Variants in NGLY1 observed in about 807,000 individuals in gnomAD.
NGLY1 encodes N-glycanase 1, also known as peptide-N(4)-(N-acetyl-beta-glucosaminyl)asparagine amidase.
A neutral mutation model predicts 84.6 loss-of-function variants in NGLY1; 68 were observed. The ratio of observed to expected loss-of-function variants is 0.80; its 90% CI spans 0.66 to 0.98. The LOEUF is 0.98. NGLY1 is among the 50% of genes least tolerant of loss of function. The pLI, the probability that NGLY1 is intolerant of heterozygous loss-of-function variation, is 0.00. For missense variants in NGLY1, 779 were observed against 770.2 expected, an observed-to-expected ratio of 1.01 and a Z score of -0.14; for synonymous variants, 280 against 275.2, an observed-to-expected ratio of 1.02 and a Z score of -0.17.
Position 25,751,364 on chromosome 3 carries a change from G to C in NGLY1, c.493-101C>G, listed in dbSNP as rs535635369. ...GTTTTATGATTTTACAGATAGAAGG[G>C]AATGTATGGATTCACTTAAATATAA... is the stretch of plus-strand genomic sequence containing the variant. On this transcript the variant is annotated intron_variant, in intron 3 of 11. Coordinates refer to ENST00000280700, the MANE Select transcript of NGLY1 (RefSeq NM_018297.4). 4.8e-5 allele frequency: 45 copies of C among 941,856 alleles called. No individual in the cohort carries two copies. In the South Asian group the frequency reaches 1.0e-3, roughly 21 times the overall value. The allele number at this position is 941,856 out of a possible 1,614,324, so 58.3% of individuals were successfully genotyped here. A position where few individuals can be genotyped will look rare whatever the true frequency, so the allele number is the denominator to read the frequency against.
At chr3:25,737,606 A>ATG in intron 5 of NGLY1, 151 bp from the exon 6 acceptor site, 6 of 679,718 alleles carry the variant, frequency 8.8e-6, no homozygotes, top group Non-Finnish European at 1.3e-5. Flanking sequence ...GCAGTGGCGC[A>ATG]ATCTCGGCTC....
chr3:25,739,071 GA>G, intron 5 of NGLY1, among the ~76,000 whole-genome samples: 1 of 152,206 alleles, frequency 6.6e-6, no homozygotes, highest in East Asian at 1.9e-4. Context: ...TTGTGAGAGT[GA>G]ATACAATTAT....
intron 3 of NGLY1, 60 bp downstream of exon 3, chr3:25,764,006 G>T: frequency 1.3e-6 from 2 of 1,585,462 alleles, no homozygotes; most frequent in Non-Finnish European, 1.7e-6. Context: ...ACATTCCAAA[G>T]CTTTTGCTGT....
intron 4 of NGLY1, chr3:25,749,852 G>A: frequency 1.0e-6 from 1 of 971,748 alleles, no homozygotes; most frequent in Non-Finnish European, 1.6e-6. Context: ...GGCCATCAGA[G>A]TCACCAACCC....
Position 25,720,068 on chromosome 3 carries a change from C to T in NGLY1, c.1735G>A (p.Gly579Arg). The T allele has an allele frequency of 6.2e-7, 1 of 1,613,806 alleles. No individual in the cohort carries two copies. The highest frequency in any genetic ancestry group is 8.5e-7 in the Non-Finnish European group (1 of 1,179,836). Reference sequence around the variant, plus strand: ...GATCGCAATTTCCATTCTACTGTTCCAGTCTGAAAAGTTTGACTACTTGTT... The same window carrying T: ...GATCGCAATTTCCATTCTACTGTTCTAGTCTGAAAAGTTTGACTACTTGTT... ...IRTSSQTFQT[G>R]TVEWKLRSDT... is the part of the protein sequence containing the mutation. The change falls in exon 11 of 12, where the codon GGA (glycine) becomes AGA (arginine). Residue 579 changes from glycine (G) to arginine (R), a missense_variant. Gly to Arg is a moderately radical substitution (Grantham distance 125). Transcript: ENST00000280700.
upstream of NGLY1, among the ~76,000 whole-genome samples, chr3:25,785,443 CATTT>C (rs370426797): frequency 3.8e-4 from 58 of 151,516 alleles, 2 homozygotes; most frequent in East Asian, 7.3e-3. Flanking sequence ...TCCATTGATA[CATTT>C]ATTTATCCTT....
chr3:25,736,020 G>T lies in NGLY1; in HGVS notation c.1133C>A (p.Ala378Glu), dbSNP rs1177368140. 1 of 1,612,058 alleles carries T rather than the reference G, an allele frequency of 6.2e-7. No homozygotes were observed. Among genetic ancestry groups the T allele is most frequent in the Non-Finnish European group, 8.5e-7 (1 of 1,179,210 alleles). Residue 378 changes from alanine (A) to glutamate (E), a missense_variant, in exon 7 of 12, where the codon GCA becomes GAA. Transcript: ENST00000280700. Reference protein sequence around the residue: ...GWGKKLSYVIAFSKDEVVDVT... With the variant: ...GWGKKLSYVIEFSKDEVVDVT... ...ATGCTCTACCTCATCTTTTGAAAAT[G>T]CTATGACATAGGAAAGCTTCTTGCC... is the stretch of plus-strand genomic sequence containing the variant.
At chr3:25,757,437 C>T (rs555068588) in intron 3 of NGLY1, among the ~76,000 whole-genome samples, 4 of 152,056 alleles carry the variant, frequency 2.6e-5, no homozygotes, top group South Asian at 2.1e-4. Context: ...TGTAAGGGTT[C>T]GACTGGTATA....
rs542203452 is a variant in NGLY1, at chr3:25,736,370, G to A, written c.1004-221C>T. On this transcript the variant is annotated intron_variant, in intron 6 of 11. Coordinates refer to ENST00000280700, the MANE Select transcript of NGLY1 (RefSeq NM_018297.4). Reference sequence around the variant, plus strand: ...TGTTTTTCCAATCTCCTTTAACGTGGTCAGTTTTAGGCTTAATGTGCGCTG... The same window carrying A: ...TGTTTTTCCAATCTCCTTTAACGTGATCAGTTTTAGGCTTAATGTGCGCTG... 1,109 of 1,551,280 alleles carry A rather than the reference G, an allele frequency of 7.1e-4. 1 individual carries two copies. The highest frequency in any genetic ancestry group is 1.4e-3 in the Admixed American group (71 of 50,988).
chr3:25,755,442 C>T (rs1368029883), intron 3 of NGLY1: 65 of 1,463,800 alleles, frequency 4.4e-5, no homozygotes, highest in Non-Finnish European at 6.1e-5. Context: ...AAAGTTTCAA[C>T]TCCAATGTCA....
At chr3:25,758,830 G>A (rs1179410659) in intron 3 of NGLY1, among the ~76,000 whole-genome samples, 2 of 152,152 alleles carry the variant, frequency 1.3e-5, no homozygotes, top group African/African-American at 2.4e-5. Flanking sequence ...GGAAGAAGAG[G>A]TGAGAAAGAC....
intron 3 of NGLY1, among the ~76,000 whole-genome samples, chr3:25,754,382 G>T (rs1337908333): frequency 6.6e-6 from 1 of 152,180 alleles, no homozygotes; most frequent in African/African-American, 2.4e-5. Flanking sequence ...GGTAGATGGG[G>T]ATTGCTTAGC....
chr3:25,722,376 A>T (rs1319442530), intron 10 of NGLY1, among the ~76,000 whole-genome samples: 2 of 152,006 alleles, frequency 1.3e-5, no homozygotes, highest in Non-Finnish European at 2.9e-5. Flanking sequence ...TATAAAACAC[A>T]TCTGCCATGG....
intron 6 of NGLY1, 27 bp from the exon 7 acceptor site, chr3:25,736,176 A>G: frequency 6.2e-7 from 1 of 1,605,034 alleles, no homozygotes; most frequent in Non-Finnish European, 8.5e-7. Context: ...AAAGAGAGCA[A>G]TGGAAAAAAG....
At chr3:25,754,990 C>A (rs1171547284) in intron 3 of NGLY1, 24 of 817,990 alleles carry the variant, frequency 2.9e-5, no homozygotes, top group Non-Finnish European at 5.0e-5. Context: ...TGGCACAGAT[C>A]TCGAAGGATA....
At chr3:25,783,447 C>T (rs909707646), upstream of NGLY1, 5 of 1,433,086 alleles carry the variant, frequency 3.5e-6, no homozygotes, top group African/African-American at 1.5e-5. This position sits in a 1 kb window ranked among gnomAD's most constrained non-coding sequence, Gnocchi z 4.5. Flanking sequence ...CCACACTGAG[C>T]AGGCGCCTCA....
At chr3:25,778,891 AT>A (rs747731988) in intron 1 of NGLY1, among the ~76,000 whole-genome samples, 3 of 36,446 alleles carry the variant, frequency 8.2e-5, no homozygotes, top group African/African-American at 1.2e-4. Flanking sequence ...TTTTTTTGAG[AT>A]GGGGGGGGTC....
chr3:25,721,130 A>G (rs2125444558), intron 10 of NGLY1, among the ~76,000 whole-genome samples: 1 of 152,280 alleles, frequency 6.6e-6, no homozygotes, highest in African/African-American at 2.4e-5. Context: ...TCACTCTGTC[A>G]CCCAGGCTGG....
intron 10 of NGLY1, among the ~76,000 whole-genome samples, chr3:25,727,306 T>C (rs974237588): frequency 6.6e-6 from 1 of 152,218 alleles, no homozygotes; most frequent in African/African-American, 2.4e-5. Context: ...TTTACTTGAA[T>C]AGGGGTGTGT....
Sources: gnomAD v4.1 joint callset for allele counts (sites outside exome capture counted in the v4.1 genomes callset) on GRCh38, gnomAD v4.1.1 for gene constraint, Gnocchi (gnomAD v3.1) non-coding constraint, MANE v1.5 for transcripts, NCBI Gene and HGNC (gene_info 2026-07-23, HGNC 2026-07-21) for gene names.